The following SLC24A2 variants were observed in gnomAD, a reference collection of about 807,000 sequenced individuals.
SLC24A2 encodes sodium/potassium/calcium exchanger 2.
SLC24A2 carries 36 observed loss-of-function variants against 62.0 expected under a neutral mutation model. The observed-to-expected ratio is 0.58, with a 90% CI of 0.44 to 0.77. The LOEUF (loss-of-function observed/expected upper bound fraction) is 0.77. Ranked by LOEUF, SLC24A2 falls within the 30% of genes least tolerant of loss-of-function variation. The pLI is 0.00. For missense variants in SLC24A2, 846 were observed against 817.9 expected (o/e 1.03, Z -0.42); for synonymous variants, 358 against 294.0 (o/e 1.22, Z -2.23).
At chr9:19,722,422 T>A (rs1821053235) in intron 2 of SLC24A2, among the ~76,000 whole-genome samples, 1 of 152,068 alleles carries the variant, frequency 6.6e-6, no homozygotes, top group Non-Finnish European at 1.5e-5. Flanking sequence ...TAATAACAAA[T>A]AAAAATCCTG....
chr9:19,596,484 C>A (rs183219376), intron 5 of SLC24A2, among the ~76,000 whole-genome samples: 114 of 152,316 alleles, frequency 7.5e-4, no homozygotes, highest in South Asian at 1.5e-3. Flanking sequence ...TCAAAATCTT[C>A]ACATTGCTGT....
At chr9:20,170,363 G>C in the SLC24A2 span, among the ~76,000 whole-genome samples, 1 of 151,994 alleles carries the variant, frequency 6.6e-6, no homozygotes, top group Non-Finnish European at 1.5e-5. Context: ...AGAGAGCAAA[G>C]GAGACCAGGG....
At chr9:19,907,928 C>G in the SLC24A2 span, among the ~76,000 whole-genome samples, 6 of 152,052 alleles carry the variant, frequency 3.9e-5, no homozygotes, top group South Asian at 1.2e-3. Context: ...TTTATAGATT[C>G]AATGCCATCC....
chr9:20,002,866 T>G, the SLC24A2 span, among the ~76,000 whole-genome samples: 4 of 152,344 alleles, frequency 2.6e-5, no homozygotes, highest in East Asian at 7.7e-4. Context: ...TTCTTAGCTG[T>G]AGCCTCCACA....
At chr9:20,231,021 T>C in the SLC24A2 span, among the ~76,000 whole-genome samples, 1 of 152,168 alleles carries the variant, frequency 6.6e-6, no homozygotes, top group Non-Finnish European at 1.5e-5. Flanking sequence ...TTTTGTCAGG[T>C]TTGTCAAAGA....
chr9:20,171,501 T>G, the SLC24A2 span, among the ~76,000 whole-genome samples: 23 of 151,918 alleles, frequency 1.5e-4, no homozygotes, highest in Admixed American at 1.2e-3. Context: ...TCACATAAAC[T>G]TAAGGCAAAG....
the SLC24A2 span, among the ~76,000 whole-genome samples, chr9:19,989,110 T>A: frequency 2.0e-5 from 3 of 152,142 alleles, no homozygotes; most frequent in Non-Finnish European, 4.4e-5. Context: ...TATATTTTAA[T>A]CATAGATGTT....
the SLC24A2 span, among the ~76,000 whole-genome samples, chr9:20,139,548 T>C: frequency 1.4e-4 from 22 of 152,338 alleles, no homozygotes; most frequent in South Asian, 6.2e-4. Flanking sequence ...ATTCAAGATA[T>C]AGACACTTTA....
intron 2 of SLC24A2, among the ~76,000 whole-genome samples, chr9:19,716,571 G>A (rs148252708): frequency 2.6e-5 from 4 of 152,296 alleles, no homozygotes; most frequent in Non-Finnish European, 5.9e-5. Flanking sequence ...TGAACAACAC[G>A]GTGGTGTTCT....
At chr9:19,935,727 C>T in the SLC24A2 span, among the ~76,000 whole-genome samples, 1 of 152,148 alleles carries the variant, frequency 6.6e-6, no homozygotes, top group South Asian at 2.1e-4. Flanking sequence ...CTGCCAGGTC[C>T]CCCACGTGTC....
intron 6 of SLC24A2, among the ~76,000 whole-genome samples, chr9:19,576,000 G>C (rs1281208539): frequency 6.6e-6 from 1 of 152,130 alleles, no homozygotes; most frequent in Non-Finnish European, 1.5e-5. Flanking sequence ...CCCAGCTTTA[G>C]GAAGTAACTA....
At chr9:19,774,170 C>A (rs1822773383) in intron 2 of SLC24A2, among the ~76,000 whole-genome samples, 1 of 152,068 alleles carries the variant, frequency 6.6e-6, no homozygotes, top group African/African-American at 2.4e-5. Context: ...GCAAAAGAGA[C>A]CAGGAGAAGT....
At chr9:20,174,574 C>A in the SLC24A2 span, among the ~76,000 whole-genome samples, 1 of 151,696 alleles carries the variant, frequency 6.6e-6, no homozygotes, top group African/African-American at 2.4e-5. Context: ...AGAAGATACA[C>A]AAATGGGCAA....
the SLC24A2 span, among the ~76,000 whole-genome samples, chr9:20,188,885 T>C: frequency 3.9e-5 from 6 of 152,328 alleles, no homozygotes; most frequent in South Asian, 4.1e-4. Context: ...AAATGTGTGC[T>C]GTTTTAAGCT....
the SLC24A2 span, among the ~76,000 whole-genome samples, chr9:19,925,112 C>G: frequency 6.6e-6 from 1 of 152,180 alleles, no homozygotes; most frequent in African/African-American, 2.4e-5. Flanking sequence ...TTATCACTCC[C>G]AGAATAACTG....
Position 19,569,328 on chromosome 9 carries a change from C to G in SLC24A2, c.1347+4023G>C, listed in dbSNP as rs192116319. 6.3e-4 allele frequency among the ~76,000 whole-genome samples: 96 copies of G among 152,298 alleles called. 1 individual carries two copies. Among genetic ancestry groups the G allele is most frequent in the African/African-American group, 2.3e-3 (94 of 41,556 alleles). ...CAATCCTGGAACCACAGGTTCTTAC[C>G]TCACCTCCCTTTGTCTAGTAATTTT... On this transcript the variant is annotated intron_variant, in intron 7 of 10. Coordinates refer to ENST00000341998, the MANE Select transcript of SLC24A2 (RefSeq NM_020344.4).
chr9:20,132,837 GCTTTTA>G, the SLC24A2 span, among the ~76,000 whole-genome samples: 1 of 151,970 alleles, frequency 6.6e-6, no homozygotes, highest in East Asian at 1.9e-4. Flanking sequence ...AAAAAATATA[GCTTTTA>G]CTTTTAGTTT....
the SLC24A2 span, among the ~76,000 whole-genome samples, chr9:20,081,748 G>A: frequency 6.6e-6 from 1 of 152,224 alleles, no homozygotes; most frequent in South Asian, 2.1e-4. Context: ...CTCAACAGAT[G>A]ACATCCACAA....
chr9:19,823,376 T>C, the SLC24A2 span, among the ~76,000 whole-genome samples: 1 of 152,040 alleles, frequency 6.6e-6, no homozygotes, highest in Non-Finnish European at 1.5e-5. Context: ...GTTATAGGCG[T>C]GATATTCCTT....
Sources: allele counts gnomAD v4.1 joint callset (sites outside exome capture counted in the v4.1 genomes callset), GRCh38; gene constraint gnomAD v4.1.1; transcripts MANE v1.5; gene names NCBI Gene and HGNC (gene_info 2026-07-23, HGNC 2026-07-21).